Variants in CHD7 observed in about 807,000 individuals in gnomAD.
CHD7 encodes chromodomain helicase DNA binding protein 7.
In CHD7, 24 loss-of-function variants were observed where a neutral mutation model predicts 307.3. The ratio of observed to expected loss-of-function variants is 0.08; its 90% CI spans 0.06 to 0.11. CHD7 has a LOEUF of 0.11. Ranked by LOEUF, CHD7 falls within the 10% of genes least tolerant of loss-of-function variation. The probability of loss-of-function intolerance (pLI) is 1.00; values close to 1 mark genes in which losing one functional copy is unlikely to be tolerated. For missense variants in CHD7, 3,106 were observed against 3,727.1 expected (o/e 0.83, Z 4.34); for synonymous variants, 1,363 against 1,349.9 (o/e 1.01, Z -0.21).
intron 1 of CHD7, among the ~76,000 whole-genome samples, chr8:60,692,340 T>C (rs1236264368): frequency 6.6e-6 from 1 of 152,242 alleles, no homozygotes; most frequent in Non-Finnish European, 1.5e-5. Flanking sequence ...TTGCTTTGTA[T>C]TTATTTGTTA....
chr8:60,815,048 T>C (rs1049731517), intron 7 of CHD7, among the ~76,000 whole-genome samples: 3 of 152,242 alleles, frequency 2.0e-5, no homozygotes, highest in African/African-American at 7.2e-5. Flanking sequence ...TATTAGCATT[T>C]TGATGCAATT....
chr8:60,824,398 A>AT, intron 13 of CHD7: 1 of 279,930 alleles, frequency 3.6e-6, no homozygotes, highest in Non-Finnish European at 6.6e-6. Flanking sequence ...TGGATTTTGG[A>AT]TTTTCTCATT....
At chr8:60,801,705 A>G in intron 6 of CHD7, 112 bp downstream of exon 6, 1 of 693,188 alleles carries the variant, frequency 1.4e-6, no homozygotes, top group Non-Finnish European at 2.5e-6. Context: ...AACTTCCAGT[A>G]ATATTTCTAA....
At chr8:60,705,301 G>T (rs1355355890) in intron 1 of CHD7, among the ~76,000 whole-genome samples, 1 of 152,172 alleles carries the variant, frequency 6.6e-6, no homozygotes, top group Non-Finnish European at 1.5e-5. Context: ...TATCAGAGGG[G>T]CTCCTATTTT....
At chr8:60,783,369 C>T (rs1415808440) in intron 3 of CHD7, among the ~76,000 whole-genome samples, 1 of 152,068 alleles carries the variant, frequency 6.6e-6, no homozygotes, top group Non-Finnish European at 1.5e-5. Flanking sequence ...CTAGTTAGTC[C>T]CAGGCATGCC....
chr8:60,841,602 A>T, intron 19 of CHD7, 42 bp from the exon 20 acceptor site: 1 of 1,474,660 alleles, frequency 6.8e-7, no homozygotes, highest in Non-Finnish European at 9.5e-7. Flanking sequence ...TCTGCTTCTG[A>T]GAAAGGCCTC....
At chr8:60,788,032 G>C (rs1452444261) in intron 3 of CHD7, among the ~76,000 whole-genome samples, 1 of 151,790 alleles carries the variant, frequency 6.6e-6, no homozygotes, top group Non-Finnish European at 1.5e-5. Context: ...ATGTTGGCCA[G>C]GTTGGTCTCA....
chr8:60,717,777 C>T (rs763520958), intron 1 of CHD7, among the ~76,000 whole-genome samples: 14 of 152,148 alleles, frequency 9.2e-5, no homozygotes, highest in Non-Finnish European at 1.6e-4. Flanking sequence ...CAACACATTA[C>T]CCATGGGTTT....
rs1806202201 is a variant in CHD7 at position 60,865,479 on chromosome 8, G to A, written c.8540G>A (p.Gly2847Glu). ...AGCACTTCAAAAGGAGAGGAGAAAGGAAATGAGAATGAAGACGAGAACAAA... is the reference window on the plus strand; with the variant it reads ...AGCACTTCAAAAGGAGAGGAGAAAGAAAATGAGAATGAAGACGAGAACAAA... ...EDSTSKGEEK[G>E]NENEDENKDS... Residue 2847 changes from glycine (G) to glutamate (E), a missense_variant, in exon 38 of 38, where the codon GGA (glycine) becomes GAA (glutamate). Around this residue, in one of 10 missense-constraint regions of CHD7, gnomAD observed 351 missense variants for 366.2 expected, o/e 0.96. Coordinates refer to ENST00000423902, the MANE Select transcript of CHD7 (RefSeq NM_017780.4). The surrounding 1 kb of genome is among the most constrained non-coding windows in gnomAD (Gnocchi z 4.3). The A allele has an allele frequency of 1.2e-6, 2 of 1,613,966 alleles. No homozygotes were observed. Among genetic ancestry groups the A allele is most frequent in the African/African-American group, 2.7e-5 (2 of 74,956 alleles).
chr8:60,821,005 A>G (rs1804006462), intron 9 of CHD7, among the ~76,000 whole-genome samples: 1 of 152,194 alleles, frequency 6.6e-6, no homozygotes, highest in Admixed American at 6.6e-5. Context: ...AGACAAAGGA[A>G]ATCCTGTTGA....
intron 1 of CHD7, among the ~76,000 whole-genome samples, chr8:60,680,710 C>T (rs919724848): frequency 6.6e-6 from 1 of 152,102 alleles, no homozygotes; most frequent in African/African-American, 2.4e-5. Flanking sequence ...TTTTTTTCCC[C>T]CTCTTCTGAA....
intron 3 of CHD7, among the ~76,000 whole-genome samples, chr8:60,793,175 C>T (rs564513309): frequency 6.6e-6 from 1 of 152,086 alleles, no homozygotes; most frequent in African/African-American, 2.4e-5. Context: ...AATGGAACCT[C>T]ATAGTAGGGG....
rs188760876 is a variant in CHD7, at chr8:60,817,341, C to G, written c.2613+840C>G. Among the ~76,000 whole-genome samples the G allele has an allele frequency of 1.2e-4, 19 of 152,290 alleles. 1 individual carries two copies. Among genetic ancestry groups the G allele is most frequent in the South Asian group, 4.1e-4 (2 of 4,826 alleles). On this transcript the variant is annotated intron_variant, in intron 8 of 37. Coordinates refer to ENST00000423902, the MANE Select transcript of CHD7 (RefSeq NM_017780.4). Reference sequence around the variant, plus strand: ...TGCAAAATAGTATCTGTTTAACAACCTACTTTGTACTGCCACCCCTTTTTG... The same window carrying G: ...TGCAAAATAGTATCTGTTTAACAACGTACTTTGTACTGCCACCCCTTTTTG...
At chr8:60,725,583 A>G (rs1808123594) in intron 1 of CHD7, among the ~76,000 whole-genome samples, 1 of 152,196 alleles carries the variant, frequency 6.6e-6, no homozygotes, top group South Asian at 2.1e-4. Context: ...TTTTTTCAGC[A>G]AGGAATTGGG....
chr8:60,793,584 C>CTT (rs1811877241), intron 3 of CHD7, among the ~76,000 whole-genome samples: 1 of 152,078 alleles, frequency 6.6e-6, no homozygotes, highest in African/African-American at 2.4e-5. Flanking sequence ...CTATAGATAT[C>CTT]TTGGCTTCTT....
intron 1 of CHD7, among the ~76,000 whole-genome samples, chr8:60,709,813 A>G (rs1364799361): frequency 6.6e-6 from 1 of 152,218 alleles, no homozygotes; most frequent in Non-Finnish European, 1.5e-5. Flanking sequence ...AACCCAATTT[A>G]ATCTTCAATA....
At chr8:60,819,421 T>C (rs1038022982) in intron 8 of CHD7, among the ~76,000 whole-genome samples, 2 of 152,212 alleles carry the variant, frequency 1.3e-5, no homozygotes, top group Non-Finnish European at 2.9e-5. Flanking sequence ...CTATATTCAA[T>C]GTAAATCATT....
At chr8:60,744,360 G>A (rs16926456) in intron 2 of CHD7, among the ~76,000 whole-genome samples, 1,791 of 152,178 alleles carry the variant, frequency 0.012, 36 homozygotes, top group African/African-American at 0.041. Flanking sequence ...TGTTTTCTAG[G>A]CCTTTGAGGA....
At chr8:60,697,005 G>A (rs1006860668) in intron 1 of CHD7, among the ~76,000 whole-genome samples, 2 of 151,976 alleles carry the variant, frequency 1.3e-5, no homozygotes, top group African/African-American at 4.8e-5. Flanking sequence ...AAAATTTTCT[G>A]TAGGTGAGAT....
Sources: allele counts gnomAD v4.1 joint callset (sites outside exome capture counted in the v4.1 genomes callset), GRCh38; gene constraint gnomAD v4.1.1; regional missense constraint gnomAD v4.1.1; non-coding constraint Gnocchi (gnomAD v3.1); transcripts MANE v1.5; gene names NCBI Gene and HGNC (gene_info 2026-07-23, HGNC 2026-07-21).